Variants in ASTN2 observed in about 807,000 individuals in gnomAD.
ASTN2 encodes the protein astrotactin 2, also known as astrotactin-2.
A neutral mutation model predicts 139.8 loss-of-function variants in ASTN2; 54 were observed. That is an observed-to-expected ratio of 0.39 (90% confidence interval 0.31 to 0.48). The LOEUF (loss-of-function observed/expected upper bound fraction) is 0.48. ASTN2 is among the 20% of genes least tolerant of loss of function. ASTN2 has a pLI of 0.95. For missense variants in ASTN2, 1,565 were observed against 1,725.1 expected (o/e 0.91, Z 1.64); for synonymous variants, 756 against 719.5 (o/e 1.05, Z -0.81).
intron 1 of ASTN2, among the ~76,000 whole-genome samples, chr9:117,330,859 C>T (rs991881558): frequency 3.3e-5 from 5 of 152,126 alleles, no homozygotes; most frequent in Non-Finnish European, 5.9e-5. Context: ...AGGGGATGTG[C>T]CCTTCTCCGG....
chr9:116,580,159 T>C (rs62576118), intron 19 of ASTN2, among the ~76,000 whole-genome samples: 21,701 of 152,188 alleles, frequency 0.14, 1,670 homozygotes, highest in Middle Eastern at 0.19. Context: ...AGAAGATAAC[T>C]AGAGGCCCTT....
intron 1 of ASTN2, among the ~76,000 whole-genome samples, chr9:117,316,372 A>G (rs1828144691): frequency 6.6e-6 from 1 of 152,110 alleles, no homozygotes; most frequent in South Asian, 2.1e-4. Flanking sequence ...TGGGAGAGGG[A>G]GAGAATGAAT....
At chr9:116,730,071 C>T (rs973331630) in intron 14 of ASTN2, among the ~76,000 whole-genome samples, 1 of 152,158 alleles carries the variant, frequency 6.6e-6, no homozygotes, top group Non-Finnish European at 1.5e-5. Flanking sequence ...AAATTTTCTA[C>T]CCTAAGCTTT....
rs573733274 is a variant in ASTN2, at chr9:116,533,471, T to C, written c.3356-45971A>G. Among the ~76,000 whole-genome samples, 370 of 152,264 alleles carry C rather than the reference T, an allele frequency of 2.4e-3. 1 individual carries two copies. Among genetic ancestry groups the C allele is most frequent in the African/African-American group, 7.7e-3 (318 of 41,568 alleles). On this transcript the variant is annotated intron_variant, in intron 19 of 22. Transcript: ENST00000313400. The stretch of plus-strand genomic sequence containing the variant: ...AAAGGGAATGCTTCCAGTTTTTGTC[T>C]GTTCAGTATGATATTGGCTGTGGGT...
At chr9:117,086,068 G>A (rs772307243) in intron 5 of ASTN2, among the ~76,000 whole-genome samples, 11 of 152,174 alleles carry the variant, frequency 7.2e-5, no homozygotes, top group Non-Finnish European at 1.3e-4. Flanking sequence ...GGACAGAACA[G>A]CATAGAGATA....
chr9:116,563,657 A>G (rs1162474080), intron 19 of ASTN2, among the ~76,000 whole-genome samples: 1 of 152,070 alleles, frequency 6.6e-6, no homozygotes, highest in African/African-American at 2.4e-5. Flanking sequence ...CTCATCTAGC[A>G]TAGTTGTCTT....
chr9:116,950,088 A>T (rs1835516297), intron 10 of ASTN2, among the ~76,000 whole-genome samples: 1 of 152,162 alleles, frequency 6.6e-6, no homozygotes, highest in East Asian at 1.9e-4. Context: ...AATGAAAGAG[A>T]TAGCTCTAGA....
intron 2 of ASTN2, among the ~76,000 whole-genome samples, chr9:117,262,024 T>C (rs1392593873): frequency 1.3e-5 from 2 of 152,220 alleles, no homozygotes; most frequent in East Asian, 3.8e-4. Flanking sequence ...TCTCTTTCTT[T>C]CTTTTTATCA....
At chr9:117,272,074 A>T (rs1297473045) in intron 2 of ASTN2, among the ~76,000 whole-genome samples, 4 of 152,210 alleles carry the variant, frequency 2.6e-5, no homozygotes, top group African/African-American at 9.6e-5. Flanking sequence ...GTTCTCCATG[A>T]GGGCCCTGCC....
At chr9:116,852,521 G>A (rs1588354105) in intron 11 of ASTN2, among the ~76,000 whole-genome samples, 1 of 152,174 alleles carries the variant, frequency 6.6e-6, no homozygotes, top group African/African-American at 2.4e-5. Context: ...GCTATTGAGT[G>A]TTTGATGAAA....
intron 20 of ASTN2, among the ~76,000 whole-genome samples, chr9:116,463,893 T>C (rs978620622): frequency 6.7e-6 from 1 of 149,634 alleles, no homozygotes; most frequent in East Asian, 2.0e-4. Flanking sequence ...CATGCCACCA[T>C]GAACAGAGTT....
At chr9:117,060,552 A>G (rs953210180) in intron 5 of ASTN2, among the ~76,000 whole-genome samples, 1 of 131,978 alleles carries the variant, frequency 7.6e-6, no homozygotes, top group East Asian at 2.5e-4. Context: ...GAAAGAAAGA[A>G]AAAGAAAGAA....
intron 19 of ASTN2, among the ~76,000 whole-genome samples, chr9:116,512,600 G>A (rs1587914314): frequency 6.6e-6 from 1 of 152,178 alleles, no homozygotes; most frequent in South Asian, 2.1e-4. Context: ...TTGACAGTGG[G>A]GTGTTAAAGT....
chr9:117,025,872 C>A (rs1021187830), intron 6 of ASTN2, among the ~76,000 whole-genome samples: 1 of 151,160 alleles, frequency 6.6e-6, no homozygotes. Flanking sequence ...GCTCACTGCA[C>A]CCTCCACCTC....
Position 116,586,578 on chromosome 9 carries a change from G to A in ASTN2, c.3355+31746C>T, listed in dbSNP as rs147329118. ...ATATTTGTGTTCTCACTTATAAGTG[G>A]GAGCTTAACATTGAGTACCCATGGG... On this transcript the variant is annotated intron_variant, in intron 19 of 22. Coordinates refer to ENST00000313400, the MANE Select transcript of ASTN2 (RefSeq NM_001365068.1). Among the ~76,000 whole-genome samples the A allele has an allele frequency of 2.2e-3, 331 of 152,134 alleles. 4 individuals are homozygous for A. The highest frequency in any genetic ancestry group is 7.5e-3 in the African/African-American group (313 of 41,486).
At chr9:117,006,512 C>CT (rs1442354728) in intron 7 of ASTN2, among the ~76,000 whole-genome samples, 8 of 152,186 alleles carry the variant, frequency 5.3e-5, no homozygotes. Flanking sequence ...ATCTTCTTCT[C>CT]TTACCTCCAT....
chr9:117,232,710 G>A (rs774441270), intron 2 of ASTN2, among the ~76,000 whole-genome samples: 6 of 152,192 alleles, frequency 3.9e-5, no homozygotes, highest in Admixed American at 6.5e-5. Flanking sequence ...TGGGTCCAAA[G>A]AATGTTCTCA....
intron 2 of ASTN2, among the ~76,000 whole-genome samples, chr9:117,220,983 G>A (rs1302747549): frequency 1.3e-5 from 2 of 152,140 alleles, no homozygotes; most frequent in African/African-American, 4.8e-5. Flanking sequence ...TCCCATTCAA[G>A]GTCTTGAGTT....
chr9:116,840,569 C>T (rs1832200804), intron 11 of ASTN2, among the ~76,000 whole-genome samples: 1 of 120,034 alleles, frequency 8.3e-6, no homozygotes, highest in Non-Finnish European at 1.7e-5. Flanking sequence ...ACCCCCCCAC[C>T]TCCCTCCCGG....
Sources: allele counts gnomAD v4.1 joint callset (sites outside exome capture counted in the v4.1 genomes callset), GRCh38; gene constraint gnomAD v4.1.1; transcripts MANE v1.5; gene names NCBI Gene and HGNC (gene_info 2026-07-23, HGNC 2026-07-21).